ZSWIM8: variants seen among roughly 807,000 people sequenced by gnomAD.
ZSWIM8 encodes the protein zinc finger SWIM domain-containing protein 8.
Under a neutral mutation model 173.7 loss-of-function variants are expected in ZSWIM8, and 27 were observed. The observed-to-expected ratio is 0.16, with a 90% CI of 0.11 to 0.21. ZSWIM8 has a LOEUF of 0.21. Ranked by LOEUF, ZSWIM8 falls within the 10% of genes least tolerant of loss-of-function variation. The pLI, the probability that ZSWIM8 is intolerant of heterozygous loss-of-function variation, is 1.00. For synonymous variants in ZSWIM8, 958 were observed against 962.0 expected (o/e 1.00, Z 0.08); for missense variants, 1,627 against 2,428.8 (o/e 0.67, Z 6.94).
chr10:73,793,457 A>C (rs2132710969), intron 10 of ZSWIM8, 131 bp from the exon 11 acceptor site: 1 of 978,242 alleles, frequency 1.0e-6, no homozygotes, highest in Non-Finnish European at 1.5e-6. Context: ...TTCTAACCAG[A>C]GCTCCTATGG....
rs368259834 is a variant in ZSWIM8 at position 73,789,408 on chromosome 10, C to T, written c.499C>T (p.Pro167Ser). 119 of 1,578,306 alleles carry T rather than the reference C, an allele frequency of 7.5e-5. No homozygotes were observed. Among genetic ancestry groups the T allele is most frequent in the Non-Finnish European group, 8.2e-5 (95 of 1,161,538 alleles). ...SATVVPPQMV[P>S]PKGAYNVAVM... ...TACAGTGGTGCCACCTCAGATGGTCCCTCCTAAAGGGGCCTACAACGTGGC... is the reference window on the plus strand; with the variant it reads ...TACAGTGGTGCCACCTCAGATGGTCTCTCCTAAAGGGGCCTACAACGTGGC... Residue 167 changes from proline (P) to serine (S), a missense_variant, in exon 4 of 26, where the codon CCT becomes TCT. By Grantham distance (74) the Pro-to-Ser change is moderately conservative. This residue lies in a region of ZSWIM8 where 16 missense variants were observed against 16.7 expected (regional missense o/e 0.96). Coordinates refer to ENST00000604729, the MANE Select transcript of ZSWIM8 (RefSeq NM_001367799.1). This position sits in a 1 kb window ranked among gnomAD's most constrained non-coding sequence, Gnocchi z 6.8.
At chr10:73,795,157 C>A (rs1269712847) in intron 14 of ZSWIM8, among the ~76,000 whole-genome samples, 1 of 151,730 alleles carries the variant, frequency 6.6e-6, no homozygotes, top group Non-Finnish European at 1.5e-5. Context: ...GTAAGGGCAG[C>A]AAAACAAAAA....
At chr10:73,796,470 C>T in intron 15 of ZSWIM8, 1 of 452,710 alleles carries the variant, frequency 2.2e-6, no homozygotes, top group Non-Finnish European at 4.1e-6. Context: ...TATAGGAGTG[C>T]TTGGGCATGG....
At chr10:73,796,186 A>C (rs574482875) in intron 15 of ZSWIM8, 2 of 204,688 alleles carry the variant, frequency 9.8e-6, no homozygotes, top group East Asian at 3.0e-4. Context: ...CTGTCTCTAC[A>C]AAAAATTAGA....
chr10:73,801,286 A>G lies in ZSWIM8; in HGVS notation c.5302-30A>G, dbSNP rs769789143. On this transcript the variant is annotated intron_variant, in intron 25 of 25. Transcript: ENST00000604729. This position sits in a 1 kb window ranked among gnomAD's most constrained non-coding sequence, Gnocchi z 4.9. ...AGGGCCTGTTTCTGTGCTTTGTACTAAGGCTCATCCTGCACACATCCTCCT... is the reference window on the plus strand; with the variant it reads ...AGGGCCTGTTTCTGTGCTTTGTACTGAGGCTCATCCTGCACACATCCTCCT... The G allele has an allele frequency of 2.6e-5, 42 of 1,611,416 alleles. No individual in the cohort carries two copies. Among genetic ancestry groups the G allele is most frequent in the Non-Finnish European group, 3.3e-5 (39 of 1,178,248 alleles).
chr10:73,794,280 T>C lies in ZSWIM8; in HGVS notation c.2759T>C (p.Val920Ala). Residue 920 changes from valine (V) to alanine (A), a missense_variant, in exon 13 of 26, where the codon GTG (valine) becomes GCG (alanine). Val to Ala is a moderately conservative substitution (Grantham distance 64). Coordinates refer to ENST00000604729, the MANE Select transcript of ZSWIM8 (RefSeq NM_001367799.1). ...REGTLCDYRP[V>A]LPLMLASFIF... Reference sequence around the variant, plus strand: ...GGGACACTCTGTGACTATCGGCCTGTGTTGCCTCTCATGCTGGCCAGTTTC... The same window carrying C: ...GGGACACTCTGTGACTATCGGCCTGCGTTGCCTCTCATGCTGGCCAGTTTC... 1 of 1,614,010 alleles carries C rather than the reference T, an allele frequency of 6.2e-7. No homozygotes were observed.
At chr10:73,790,402 T>C (rs993414450) in intron 7 of ZSWIM8, 110 bp downstream of exon 7, 3 of 1,462,876 alleles carry the variant, frequency 2.1e-6, no homozygotes, top group Non-Finnish European at 9.2e-7. Flanking sequence ...TTTTATTCCC[T>C]GAACTGGCAC....
chr10:73,800,020 C>T lies in ZSWIM8; in HGVS notation c.4675C>T (p.Pro1559Ser). 2 of 1,613,392 alleles carry T rather than the reference C, an allele frequency of 1.2e-6. No homozygotes were observed. The highest frequency in any genetic ancestry group is 1.7e-6 in the Non-Finnish European group (2 of 1,179,660). The part of the protein sequence containing the change: ...PSSAYPQGVH[P>S]AFLGAQYPYS... ...TTCTCCCTGCCCCTAGGGTGTGCAT[C>T]CTGCATTCCTAGGGGCTCAGTACCC... The change falls in exon 22 of 26, where the codon CCT becomes TCT. Residue 1559 changes from proline (P) to serine (S), a missense_variant. Transcript: ENST00000604729. This position sits in a 1 kb window ranked among gnomAD's most constrained non-coding sequence, Gnocchi z 4.1.
Position 73,791,895 on chromosome 10 carries a change from A to T in ZSWIM8, c.1356A>T (p.Gln452His). The stretch of plus-strand genomic sequence containing the variant: ...TGTGTACGCAGCTGCGGCAGTGGCA[A>T]CTGAAGGTGATTGAGAACGTCAAGC... Reference protein sequence around the residue: ...RELCTQLRQWQLKVIENVKRG... With the variant: ...RELCTQLRQWHLKVIENVKRG... Residue 452 changes from glutamine (Q) to histidine (H), a missense_variant, in exon 10 of 26, where the codon CAA becomes CAT. Gln to His is a conservative substitution (Grantham distance 24). Around this residue, in one of 18 missense-constraint regions of ZSWIM8, gnomAD observed 103 missense variants for 155.6 expected, o/e 0.66. Transcript: ENST00000604729. This position sits in a 1 kb window ranked among gnomAD's most constrained non-coding sequence, Gnocchi z 6.0. 6 of 1,545,234 alleles carry T rather than the reference A, an allele frequency of 3.9e-6. No individual in the cohort carries two copies. Among genetic ancestry groups the T allele is most frequent in the South Asian group, 1.2e-5 (1 of 83,542 alleles).
Position 73,801,748 on chromosome 10 carries a change from GTATT to G in ZSWIM8, c.*235_*238del, listed in dbSNP as rs1302794352. 3 of 1,514,606 alleles carry G rather than the reference GTATT, an allele frequency of 2.0e-6. No individual in the cohort carries two copies. The South Asian group carries it at 3.6e-5, about 18-fold the overall frequency. The allele number at this position is 1,514,606 out of a possible 1,614,324, so 93.8% of individuals were successfully genotyped here. A position where few individuals can be genotyped will look rare whatever the true frequency, so the allele number is the denominator to read the frequency against. On this transcript the variant is annotated 3_prime_UTR_variant, in exon 26 of 26. Coordinates refer to ENST00000604729, the MANE Select transcript of ZSWIM8 (RefSeq NM_001367799.1). The surrounding 1 kb of genome is among the most constrained non-coding windows in gnomAD (Gnocchi z 4.9). ...GGGAGGGGGCGTTGGGTGGCCTCTG[GTATT>G]TATTTGGCATTTATAAATATATAAA...
Position 73,797,522 on chromosome 10 carries a change from C to G in ZSWIM8, c.3579C>G (p.Asp1193Glu). The G allele has an allele frequency of 6.2e-7, 1 of 1,613,988 alleles. No homozygotes were observed. The highest frequency in any genetic ancestry group is 8.5e-7 in the Non-Finnish European group (1 of 1,179,884). ...ACAGCATTAGCAGCTCTTCTTCGGA[C>G]TCCCTGGGCTCCTCATCCTCCAGTG... ...DSDSISSSSS[D>E]SLGSSSSSGS... The change falls in exon 18 of 26, where the codon GAC becomes GAG. Residue 1193 changes from aspartate (D) to glutamate (E), a missense_variant. Coordinates refer to ENST00000604729, the MANE Select transcript of ZSWIM8 (RefSeq NM_001367799.1). The surrounding 1 kb of genome is among the most constrained non-coding windows in gnomAD (Gnocchi z 5.6).
At position 73,790,310 on chromosome 10, in the gene ZSWIM8, A is replaced by G. The variant is rs767145896; in HGVS notation, c.941+18A>G. Reference sequence around the variant, plus strand: ...GTCTTCAGGTAAATCGGATCTCTGCATACCTGTGTCTGTGGTGGAGGGGGA... The same window carrying G: ...GTCTTCAGGTAAATCGGATCTCTGCGTACCTGTGTCTGTGGTGGAGGGGGA... On this transcript the variant is annotated intron_variant, in intron 7 of 25. Transcript: ENST00000604729. 2 of 1,585,022 alleles carry G rather than the reference A, an allele frequency of 1.3e-6. No homozygotes were observed. Among genetic ancestry groups the G allele is most frequent in the Non-Finnish European group, 1.7e-6 (2 of 1,166,316 alleles).
intron 20 of ZSWIM8, 131 bp downstream of exon 20, chr10:73,798,584 G>A (rs1043950042): frequency 1.1e-5 from 9 of 826,734 alleles, no homozygotes; most frequent in Middle Eastern, 3.5e-4. Context: ...TCCTCTCATG[G>A]CAACATTTTA....
rs761671790 is a variant in ZSWIM8, at chr10:73,792,210, C to T, written c.1671C>T (p.Pro557=). ...GAAAGGGCTTGGGTGAGGGGGTCCC[C>T]TCATCACAGCGGGGTCCCCGCCGCC... ...TKRKGLGEGV[P]SSQRGPRRLS... The change falls in exon 10 of 26, where the codon CCC becomes CCT. Residue 557 remains proline (P), a synonymous_variant. Transcript: ENST00000604729. The surrounding 1 kb of genome is among the most constrained non-coding windows in gnomAD (Gnocchi z 4.3). The T allele has an allele frequency of 1.3e-6, 2 of 1,542,208 alleles. No homozygotes were observed. The highest frequency in any genetic ancestry group is 1.7e-6 in the Non-Finnish European group (2 of 1,145,046).
intron 15 of ZSWIM8, 144 bp from the exon 16 acceptor site, chr10:73,796,630 A>C: frequency 9.0e-7 from 1 of 1,108,368 alleles, no homozygotes; most frequent in Non-Finnish European, 1.3e-6. Context: ...GTAAACCAGG[A>C]GGTCATCCTG....
At chr10:73,787,604 T>A (rs574593987) in intron 1 of ZSWIM8, among the ~76,000 whole-genome samples, 2 of 152,224 alleles carry the variant, frequency 1.3e-5, no homozygotes, top group South Asian at 4.1e-4. Flanking sequence ...GTAATCCCAG[T>A]ACTTTGGGAG....
chr10:73,798,983 C>T lies in ZSWIM8; in HGVS notation c.4177-19C>T, dbSNP rs754540823. ...GTAAAGGCCTTTCCCCCTTAACACT[C>T]TGTGCCCCTCTCTTCCAGGACAACC... On this transcript the variant is annotated intron_variant, in intron 20 of 25. Coordinates refer to ENST00000604729, the MANE Select transcript of ZSWIM8 (RefSeq NM_001367799.1). 14 of 1,592,846 alleles carry T rather than the reference C, an allele frequency of 8.8e-6. No homozygotes were observed. The East Asian group carries it at 2.9e-4, about 33-fold the overall frequency.
Position 73,796,917 on chromosome 10 carries a change from A to G in ZSWIM8, c.3177A>G (p.Gln1059=), listed in dbSNP as rs772145942. ...HGGPSAPGAL[Q]PLTSGSAGPA... is the part of the protein sequence containing the mutation. ...GCCCATCTGCCCCAGGGGCCCTGCA[A>G]CCACTGACCTCAGGCTCTGCAGGGC... is the stretch of plus-strand genomic sequence containing the variant. Residue 1059 remains glutamine, a synonymous_variant, in exon 16 of 26, where the codon CAA becomes CAG. Coordinates refer to ENST00000604729, the MANE Select transcript of ZSWIM8 (RefSeq NM_001367799.1). 2.5e-6 allele frequency: 4 copies of G among 1,614,042 alleles called. No individual in the cohort carries two copies. Among genetic ancestry groups the G allele is most frequent in the Admixed American group, 1.7e-5 (1 of 60,032 alleles).
chr10:73,789,259 C>T lies in ZSWIM8; in HGVS notation c.457+69C>T. On this transcript the variant is annotated intron_variant, in intron 3 of 25. Transcript: ENST00000604729. The surrounding 1 kb of genome is among the most constrained non-coding windows in gnomAD (Gnocchi z 6.8). ...TCCCCTGGCTTATGAAGTAAGAACA[C>T]ACCGCAAGAAGCTGGAGCATGTTGT... The T allele has an allele frequency of 6.2e-7, 1 of 1,607,546 alleles. No individual in the cohort carries two copies. The highest frequency in any genetic ancestry group is 8.5e-7 in the Non-Finnish European group (1 of 1,175,000).
Sources: allele counts gnomAD v4.1 joint callset (sites outside exome capture counted in the v4.1 genomes callset), GRCh38; gene constraint gnomAD v4.1.1; regional missense constraint gnomAD v4.1.1; non-coding constraint Gnocchi (gnomAD v3.1); transcripts MANE v1.5; gene names NCBI Gene and HGNC (gene_info 2026-07-23, HGNC 2026-07-21).